NEK1: variants seen among roughly 807,000 people sequenced by gnomAD.
NEK1 encodes the protein NIMA related kinase 1.
A neutral mutation model predicts 182.1 loss-of-function variants in NEK1; 137 were observed. The observed-to-expected ratio is 0.75, with a 90% confidence interval of 0.65 to 0.87. The LOEUF is 0.87. Ranked by LOEUF, NEK1 falls within the 40% of genes least tolerant of loss-of-function variation. NEK1 has a pLI of 0.00. For missense variants in NEK1, 1,391 were observed against 1,494.4 expected (o/e 0.93, Z 1.14); for synonymous variants, 513 against 492.2 (o/e 1.04, Z -0.56).
chr4:169,528,752 G>T (rs1165195913), intron 19 of NEK1, among the ~76,000 whole-genome samples: 1 of 152,146 alleles, frequency 6.6e-6, no homozygotes, highest in East Asian at 1.9e-4. Flanking sequence ...GGATCAAGAA[G>T]AATAAAACAT....
intron 12 of NEK1, among the ~76,000 whole-genome samples, chr4:169,574,799 ATAT>A (rs916813017): frequency 3.3e-5 from 5 of 152,022 alleles, no homozygotes; most frequent in African/African-American, 1.2e-4. Flanking sequence ...AGACCCAATA[ATAT>A]TAAGGGATTA....
At chr4:169,602,387 C>A in intron 3 of NEK1, 127 bp downstream of exon 3, 1 of 635,182 alleles carries the variant, frequency 1.6e-6, no homozygotes, top group South Asian at 2.1e-5. Flanking sequence ...CTGATATTAG[C>A]GGGAATAAAG....
intron 23 of NEK1, among the ~76,000 whole-genome samples, chr4:169,485,560 G>A (rs1234475096): frequency 3.9e-5 from 6 of 152,012 alleles, no homozygotes; most frequent in South Asian, 2.1e-4. Context: ...CCTTTTATAC[G>A]GAAAGTTGAG....
At chr4:169,564,814 T>C (rs1321001691) in intron 12 of NEK1, among the ~76,000 whole-genome samples, 1 of 152,184 alleles carries the variant, frequency 6.6e-6, no homozygotes. Flanking sequence ...AATAAACTTA[T>C]AAATGATAAT....
At chr4:169,526,441 G>A (rs1388821952) in intron 19 of NEK1, among the ~76,000 whole-genome samples, 1 of 152,102 alleles carries the variant, frequency 6.6e-6, no homozygotes, top group Non-Finnish European at 1.5e-5. Context: ...GTGAGCTACA[G>A]ATTTGCAACA....
At chr4:169,457,761 G>T (rs1225881371) in intron 27 of NEK1, among the ~76,000 whole-genome samples, 1 of 137,950 alleles carries the variant, frequency 7.2e-6, no homozygotes, top group Non-Finnish European at 1.6e-5. Flanking sequence ...GGAGGGGAGG[G>T]GAGGGAAGAA....
intron 29 of NEK1, among the ~76,000 whole-genome samples, chr4:169,429,825 T>C (rs1437804155): frequency 6.6e-6 from 1 of 152,220 alleles, no homozygotes; most frequent in Non-Finnish European, 1.5e-5. Flanking sequence ...ATTTTTCCCT[T>C]GGACTTCTGT....
At chr4:169,511,434 T>C (rs977144339) in intron 19 of NEK1, among the ~76,000 whole-genome samples, 2 of 152,134 alleles carry the variant, frequency 1.3e-5, no homozygotes, top group African/African-American at 2.4e-5. Context: ...TTGCTATAGA[T>C]GATAACTTCC....
intron 5 of NEK1, among the ~76,000 whole-genome samples, chr4:169,591,332 TAC>T (rs1382422272): frequency 2.0e-5 from 3 of 151,962 alleles, no homozygotes; most frequent in Non-Finnish European, 4.4e-5. Flanking sequence ...TTGTTTTTTT[TAC>T]AGAGACAGTG....
chr4:169,450,511 T>C (rs932875303), intron 27 of NEK1, among the ~76,000 whole-genome samples: 1 of 152,170 alleles, frequency 6.6e-6, no homozygotes, highest in African/African-American at 2.4e-5. Flanking sequence ...CAGAAGACAG[T>C]GGGGGCCATT....
At chr4:169,496,946 T>C (rs1056866408) in intron 23 of NEK1, among the ~76,000 whole-genome samples, 5 of 152,224 alleles carry the variant, frequency 3.3e-5, no homozygotes, top group African/African-American at 9.6e-5. Context: ...ATTCCCTCTT[T>C]TTCTATTGAT....
intron 31 of NEK1, among the ~76,000 whole-genome samples, chr4:169,417,140 A>G (rs534825355): frequency 2.6e-5 from 4 of 152,294 alleles, no homozygotes; most frequent in Admixed American, 1.3e-4. Flanking sequence ...AAAGACTATA[A>G]TGAGTCACAG....
At chr4:169,440,623 G>A (rs1248479429) in intron 27 of NEK1, among the ~76,000 whole-genome samples, 1 of 152,166 alleles carries the variant, frequency 6.6e-6, no homozygotes, top group East Asian at 1.9e-4. Flanking sequence ...TCTGAGGCAT[G>A]GAAGGAGAGG....
intron 27 of NEK1, among the ~76,000 whole-genome samples, chr4:169,455,522 A>G (rs1351336687): frequency 1.3e-5 from 2 of 152,172 alleles, no homozygotes; most frequent in African/African-American, 2.4e-5. Context: ...GATACAAATA[A>G]CGTCATTATA....
intron 19 of NEK1, among the ~76,000 whole-genome samples, chr4:169,528,596 A>G (rs1757233823): frequency 6.6e-6 from 1 of 152,202 alleles, no homozygotes; most frequent in South Asian, 2.1e-4. Flanking sequence ...TGTGAGATAA[A>G]CTGCTAAATT....
chr4:169,548,879 A>C (rs145024272), intron 18 of NEK1, among the ~76,000 whole-genome samples: 1 of 152,232 alleles, frequency 6.6e-6, no homozygotes, highest in Non-Finnish European at 1.5e-5. Context: ...CAGAATTTCA[A>C]GCCAGTGGAT....
chr4:169,578,662 G>A (rs1306648784), intron 11 of NEK1, among the ~76,000 whole-genome samples: 1 of 152,084 alleles, frequency 6.6e-6, no homozygotes, highest in Non-Finnish European at 1.5e-5. Context: ...AACAGTGTGT[G>A]TTAAAATTGG....
intron 12 of NEK1, among the ~76,000 whole-genome samples, chr4:169,565,909 TA>T (rs1210810971): frequency 1.3e-5 from 2 of 152,168 alleles, no homozygotes; most frequent in African/African-American, 4.8e-5. Flanking sequence ...TATAAATACA[TA>T]AAACCATTTA....
At chr4:169,577,580 C>T (rs1370267683) in intron 11 of NEK1, among the ~76,000 whole-genome samples, 1 of 151,822 alleles carries the variant, frequency 6.6e-6, no homozygotes, top group African/African-American at 2.4e-5. Flanking sequence ...ATGGTGAAAC[C>T]CTGTCTCTAC....
Sources: allele counts gnomAD v4.1 joint callset (sites outside exome capture counted in the v4.1 genomes callset), GRCh38; gene constraint gnomAD v4.1.1; transcripts MANE v1.5; gene names NCBI Gene and HGNC (gene_info 2026-07-23, HGNC 2026-07-21).